Variants in EIF2AK4 observed in about 807,000 individuals in gnomAD.
EIF2AK4 encodes the protein eukaryotic translation initiation factor 2 alpha kinase 4.
EIF2AK4 carries 139 observed loss-of-function variants against 211.1 expected under a neutral mutation model. The observed-to-expected ratio is 0.66, with a 90% CI of 0.57 to 0.76. The LOEUF (loss-of-function observed/expected upper bound fraction) is 0.76, where lower values mean the gene tolerates loss of function less well. Ranked by LOEUF, EIF2AK4 falls within the 30% of genes least tolerant of loss-of-function variation. The probability of loss-of-function intolerance (pLI) is 0.00; values close to 1 mark genes in which losing one functional copy is unlikely to be tolerated. For missense variants in EIF2AK4, 1,664 were observed against 2,043.8 expected, an observed-to-expected ratio of 0.81 and a Z score of 3.58; for synonymous variants, 710 against 751.3, an observed-to-expected ratio of 0.94 and a Z score of 0.90.
intron 13 of EIF2AK4, among the ~76,000 whole-genome samples, chr15:39,979,409 A>G (rs943327104): frequency 1.7e-4 from 26 of 152,338 alleles, no homozygotes; most frequent in Middle Eastern, 3.4e-3. Flanking sequence ...CATCAGAAAA[A>G]TCTGTTAAGT....
At chr15:39,936,142 A>C (rs2034060942) in intron 1 of EIF2AK4, among the ~76,000 whole-genome samples, 1 of 152,194 alleles carries the variant, frequency 6.6e-6, no homozygotes, top group African/African-American at 2.4e-5. Flanking sequence ...TTAGGTAGGG[A>C]TATTGATAAC....
chr15:40,009,128 G>T (rs998533218), intron 25 of EIF2AK4, among the ~76,000 whole-genome samples: 1 of 150,848 alleles, frequency 6.6e-6, no homozygotes. Context: ...GTCTCGCTCT[G>T]TCTCCCAGGA....
At chr15:39,949,372 C>T (rs1471068167) in intron 4 of EIF2AK4, 104 bp downstream of exon 4, 1 of 1,478,038 alleles carries the variant, frequency 6.8e-7, no homozygotes, top group Non-Finnish European at 9.1e-7. Flanking sequence ...TTAAGTTTTG[C>T]TCAGCCTTTG....
chr15:39,967,556 G>A lies in EIF2AK4; in HGVS notation c.1230G>A (p.Leu410=), dbSNP rs754499320. 1.2e-5 allele frequency: 19 copies of A among 1,613,800 alleles called. No homozygotes were observed. The highest frequency in any genetic ancestry group is 2.2e-5 in the East Asian group (1 of 44,866). ...HQLRRYTAQL[L]SGLDYLHSNS... is the part of the protein sequence containing the mutation. ...TTCGCAGGTACACAGCTCAGCTCCT[G>A]TCAGGCCTTGATTATCTGCACAGCA... is the stretch of plus-strand genomic sequence containing the variant. Residue 410 remains leucine, a synonymous_variant, in exon 9 of 39, where the codon CTG becomes CTA. Coordinates refer to ENST00000263791, the MANE Select transcript of EIF2AK4 (RefSeq NM_001013703.4).
At chr15:40,013,952 A>C (rs2035271925) in intron 27 of EIF2AK4, among the ~76,000 whole-genome samples, 1 of 152,236 alleles carries the variant, frequency 6.6e-6, no homozygotes, top group Non-Finnish European at 1.5e-5. Context: ...GAGCCTGTAA[A>C]ATCAAAAACA....
At chr15:39,946,729 C>T in intron 3 of EIF2AK4, 1 of 689,400 alleles carries the variant, frequency 1.5e-6, no homozygotes, top group South Asian at 1.5e-5. Context: ...TTGTTGTCTT[C>T]TTTTAAGAAA....
chr15:39,972,297 C>G (rs1389246888), intron 9 of EIF2AK4, among the ~76,000 whole-genome samples: 1 of 150,126 alleles, frequency 6.7e-6, no homozygotes, highest in African/African-American at 2.5e-5. Context: ...TTGGAATGAG[C>G]TGAGATCACA....
chr15:39,949,013 G>T lies in EIF2AK4; in HGVS notation c.361-103G>T. On this transcript the variant is annotated intron_variant, in intron 3 of 38. Coordinates refer to ENST00000263791, the MANE Select transcript of EIF2AK4 (RefSeq NM_001013703.4). Reference sequence around the variant, plus strand: ...ATCAAAATGAATAATGGCATTCTAAGTGGGCCTCTGACCGCCAGTTTGCTT... The same window carrying T: ...ATCAAAATGAATAATGGCATTCTAATTGGGCCTCTGACCGCCAGTTTGCTT... 4 of 1,329,924 alleles carry T rather than the reference G, an allele frequency of 3.0e-6. No homozygotes were observed. In the South Asian group the frequency reaches 5.3e-5, roughly 18 times the overall value. The allele number at this position is 1,329,924 out of a possible 1,614,324, so 82.4% of individuals were successfully genotyped here. A position where few individuals can be genotyped will look rare whatever the true frequency, so the allele number is the denominator to read the frequency against.
At chr15:39,942,009 T>C (rs990619182) in intron 2 of EIF2AK4, among the ~76,000 whole-genome samples, 2 of 152,244 alleles carry the variant, frequency 1.3e-5, no homozygotes, top group Admixed American at 6.5e-5. Flanking sequence ...AACTATGAAT[T>C]ATATAGCAAG....
intron 3 of EIF2AK4, 34 bp downstream of exon 3, chr15:39,943,519 A>G: frequency 6.5e-7 from 1 of 1,547,324 alleles, no homozygotes; most frequent in South Asian, 1.2e-5. Context: ...AAAAGAAGAC[A>G]GTAAACTTCC....
intron 33 of EIF2AK4, among the ~76,000 whole-genome samples, chr15:40,026,718 CAAT>C (rs558273736): frequency 7.0e-4 from 106 of 152,254 alleles, no homozygotes; most frequent in African/African-American, 1.2e-3. Flanking sequence ...CAGTGAATTT[CAAT>C]AATATTTTGT....
Position 40,032,061 on chromosome 15 carries a change from C to T in EIF2AK4, c.4660-108C>T, listed in dbSNP as rs982663288. 2.0e-5 allele frequency: 19 copies of T among 969,258 alleles called. No individual in the cohort carries two copies. In the South Asian group the frequency reaches 2.1e-4, roughly 11 times the overall value. 60.0% of individuals were successfully genotyped at this position (969,258 alleles called of 1,614,324 possible). On this transcript the variant is annotated intron_variant, in intron 35 of 38. Transcript: ENST00000263791. ...CTTTAGACACCATTTGGAATCCTTT[C>T]TAGGCTTTGGTATGTAACCCTGTGA...
intron 26 of EIF2AK4, 38 bp from the exon 27 acceptor site, chr15:40,011,243 T>A (rs761090655): frequency 3.1e-6 from 5 of 1,590,302 alleles, no homozygotes; most frequent in Non-Finnish European, 4.3e-6. Context: ...AGTGCCAGAT[T>A]TCGCGACTCT....
At chr15:39,948,234 C>T (rs1013249251) in intron 3 of EIF2AK4, among the ~76,000 whole-genome samples, 5 of 152,084 alleles carry the variant, frequency 3.3e-5, no homozygotes, top group African/African-American at 1.2e-4. Context: ...TATTATTTAC[C>T]ACCCTGTTAA....
intron 13 of EIF2AK4, among the ~76,000 whole-genome samples, chr15:39,981,496 G>C (rs536772739): frequency 2.0e-5 from 3 of 152,262 alleles, no homozygotes; most frequent in African/African-American, 7.2e-5. Context: ...CAGCATCCAT[G>C]GGCATCCTAA....
At chr15:39,996,760 T>C (rs1655633394) in intron 18 of EIF2AK4, among the ~76,000 whole-genome samples, 2 of 152,180 alleles carry the variant, frequency 1.3e-5, no homozygotes, top group Admixed American at 6.5e-5. Flanking sequence ...TCATGCCAAA[T>C]ATTTTATCAT....
chr15:39,959,740 A>G (rs2034440542), intron 6 of EIF2AK4, among the ~76,000 whole-genome samples: 1 of 152,268 alleles, frequency 6.6e-6, no homozygotes, highest in Non-Finnish European at 1.5e-5. Context: ...TAAGTCTAGC[A>G]TGTAATTTTA....
At chr15:40,016,360 G>A in intron 27 of EIF2AK4, 142 bp from the exon 28 acceptor site, 3 of 1,028,350 alleles carry the variant, frequency 2.9e-6, no homozygotes, top group Non-Finnish European at 4.2e-6. Flanking sequence ...TCAGGATTGT[G>A]GCAAAGCCTA....
chr15:39,966,103 A>G (rs904184286), intron 8 of EIF2AK4, among the ~76,000 whole-genome samples: 5 of 152,160 alleles, frequency 3.3e-5, no homozygotes, highest in African/African-American at 1.2e-4. Flanking sequence ...ATTAACAGTC[A>G]TCTTTCCAAC....
Sources: gnomAD v4.1 joint callset for allele counts (sites outside exome capture counted in the v4.1 genomes callset) on GRCh38, gnomAD v4.1.1 for gene constraint, MANE v1.5 for transcripts, NCBI Gene and HGNC (gene_info 2026-07-23, HGNC 2026-07-21) for gene names.